The following ZCCHC2 variants were observed in gnomAD, a reference collection of about 807,000 sequenced individuals.
ZCCHC2 encodes the protein zinc finger CCHC-type containing 2, also known as zinc finger CCHC domain-containing protein 2.
Under a neutral mutation model 103.6 loss-of-function variants are expected in ZCCHC2, and 39 were observed. The observed-to-expected ratio is 0.38, with a 90% CI of 0.29 to 0.49. The LOEUF is 0.49. Ranked by LOEUF, ZCCHC2 falls within the 20% of genes least tolerant of loss-of-function variation. ZCCHC2 has a pLI of 0.96. For missense variants in ZCCHC2, 1,483 were observed against 1,491.0 expected, an observed-to-expected ratio of 0.99 and a Z score of 0.09; for synonymous variants, 687 against 608.9, an observed-to-expected ratio of 1.13 and a Z score of -1.89.
chr18:62,527,949 T>A (rs1914507929), intron 1 of ZCCHC2, among the ~76,000 whole-genome samples: 1 of 152,236 alleles, frequency 6.6e-6, no homozygotes, highest in South Asian at 2.1e-4. Context: ...AAGACATTCG[T>A]TAACTGTTCG....
At chr18:62,579,098 C>T (rs1312695758), downstream of ZCCHC2, among the ~76,000 whole-genome samples, 2 of 152,100 alleles carry the variant, frequency 1.3e-5, no homozygotes. Context: ...AGGTAATCTG[C>T]GTGACCACTA....
intron 3 of ZCCHC2, 100 bp from the exon 4 acceptor site, chr18:62,544,702 T>G: frequency 1.1e-6 from 1 of 934,472 alleles, no homozygotes; most frequent in Non-Finnish European, 1.6e-6. Flanking sequence ...TTAATCTTAG[T>G]AAAATTTAAG....
At chr18:62,554,011 G>A (rs1915776007) in intron 5 of ZCCHC2, among the ~76,000 whole-genome samples, 3 of 152,282 alleles carry the variant, frequency 2.0e-5, no homozygotes, top group Admixed American at 2.0e-4. Flanking sequence ...AGATATGTTT[G>A]AAAATGTATC....
At chr18:62,564,346 A>G (rs542796586) in intron 9 of ZCCHC2, among the ~76,000 whole-genome samples, 1 of 152,332 alleles carries the variant, frequency 6.6e-6, no homozygotes, top group African/African-American at 2.4e-5. Flanking sequence ...TCCATTTTCA[A>G]AGAAAAATAG....
At chr18:62,581,991 AC>A (rs896777435), downstream of ZCCHC2, 1 of 155,446 alleles carries the variant, frequency 6.4e-6, no homozygotes, top group African/African-American at 2.4e-5. Flanking sequence ...CTGGGCAGGA[AC>A]AAAAACAGCA....
In ZCCHC2 at chr18:62,524,127, G is replaced by C. The variant is rs1304051916; in HGVS notation, c.703G>C (p.Gly235Arg). Residue 235 changes from glycine (G) to arginine (R), a missense_variant, in exon 1 of 14, where the codon GGC becomes CGC. Transcript: ENST00000269499. Reference sequence around the variant, plus strand: ...CGGCGAGCAGGACGCCGAGAAGGACGGCTCAGGCCCGGAAGGCGGCATTGT... The same window carrying C: ...CGGCGAGCAGGACGCCGAGAAGGACCGCTCAGGCCCGGAAGGCGGCATTGT... ...GDGEQDAEKD[G>R]SGPEGGIVEP... 1 of 1,533,438 alleles carries C rather than the reference G, an allele frequency of 6.5e-7. No homozygotes were observed. The highest frequency in any genetic ancestry group is 1.4e-5 in the African/African-American group (1 of 70,826). 95.0% of individuals were successfully genotyped at this position (1,533,438 alleles called of 1,614,324 possible).
downstream of ZCCHC2, among the ~76,000 whole-genome samples, chr18:62,582,657 T>TA (rs1917066719): frequency 6.6e-6 from 1 of 151,960 alleles, no homozygotes; most frequent in Admixed American, 6.6e-5. Context: ...ACAGCCTGGG[T>TA]GACAGTGAGA....
chr18:62,533,063 G>A (rs1050469126), intron 1 of ZCCHC2, among the ~76,000 whole-genome samples: 22 of 152,090 alleles, frequency 1.4e-4, no homozygotes, highest in Admixed American at 1.4e-3. Flanking sequence ...GGGTAACAGA[G>A]TGAGACCCTG....
chr18:62,525,715 G>C (rs964089615), intron 1 of ZCCHC2, among the ~76,000 whole-genome samples: 1 of 151,972 alleles, frequency 6.6e-6, no homozygotes, highest in Admixed American at 6.6e-5. Flanking sequence ...ATCAAACTCA[G>C]ATGTAACGCT....
At chr18:62,566,014 G>T in intron 11 of ZCCHC2, among the ~76,000 whole-genome samples, 1 of 152,180 alleles carries the variant, frequency 6.6e-6, no homozygotes, top group Admixed American at 6.5e-5. Context: ...AGAGGCCAAG[G>T]TGAGTGGATC....
At chr18:62,535,536 T>C (rs1914882663) in intron 1 of ZCCHC2, among the ~76,000 whole-genome samples, 1 of 152,234 alleles carries the variant, frequency 6.6e-6, no homozygotes, top group Non-Finnish European at 1.5e-5. Context: ...CTAGGGTGTC[T>C]GGGACACAGC....
rs547524317 is a variant in ZCCHC2 at position 62,574,320 on chromosome 18, A to G, written c.2239A>G (p.Thr747Ala). 6.2e-7 allele frequency: 1 copy of G among 1,614,032 alleles called. No individual in the cohort carries two copies. Among genetic ancestry groups the G allele is most frequent in the Admixed American group, 1.7e-5 (1 of 60,028 alleles). ...VPAPKPADGK[T>A]IGMLVPSPVA... ...TGCACCCAAACCCGCTGATGGCAAA[A>G]CCATAGGGATGCTTGTTCCTAGTCC... Residue 747 changes from threonine (T) to alanine (A), a missense_variant, in exon 13 of 14, where the codon ACC (threonine) becomes GCC (alanine). Transcript: ENST00000269499.
rs772283495 is a variant in ZCCHC2, at chr18:62,563,121, C to T, written c.1663C>T (p.His555Tyr). 3 of 1,613,638 alleles carry T rather than the reference C, an allele frequency of 1.9e-6. No individual in the cohort carries two copies. Among genetic ancestry groups the T allele is most frequent in the Non-Finnish European group, 1.7e-6 (2 of 1,179,634 alleles). ...CTGTACCACCATTCAACACCCAGAG[C>T]ACTGTGTGACCTCGGCTGACCAGGT... Reference protein sequence around the residue: ...QSCTTIQHPEHCVTSADQHSA... With the variant: ...QSCTTIQHPEYCVTSADQHSA... Residue 555 changes from histidine (H) to tyrosine (Y), a missense_variant, in exon 9 of 14, where the codon CAC becomes TAC. Transcript: ENST00000269499.
Position 62,539,676 on chromosome 18 carries a change from T to C in ZCCHC2, c.940-5T>C. On this transcript the variant is annotated splice_polypyrimidine_tract_variant and splice_region_variant and intron_variant, in intron 1 of 13. Transcript: ENST00000269499. The stretch of plus-strand genomic sequence containing the variant: ...AGTTAACGTATCTCCCTCTTTCTCA[T>C]CTAGAACAACTCTGCTCATGGTGAT... 1 of 1,578,044 alleles carries C rather than the reference T, an allele frequency of 6.3e-7. No individual in the cohort carries two copies. Among genetic ancestry groups the C allele is most frequent in the Non-Finnish European group, 8.6e-7 (1 of 1,160,828 alleles).
At position 62,576,732 on chromosome 18, in the gene ZCCHC2, A is replaced by G; in HGVS notation, c.*153A>G. ...TCATTTCTCTTGTACCAATGTCCAA[A>G]ACAAGAAAGAATGCAATGCTTTTGA... is the stretch of plus-strand genomic sequence containing the variant. On this transcript the variant is annotated 3_prime_UTR_variant, in exon 14 of 14. Coordinates refer to ENST00000269499, the MANE Select transcript of ZCCHC2 (RefSeq NM_017742.6). 1.5e-6 allele frequency: 1 copy of G among 673,434 alleles called. No individual in the cohort carries two copies. The highest frequency in any genetic ancestry group is 2.5e-6 in the Non-Finnish European group (1 of 403,766). 41.7% of individuals were successfully genotyped at this position (673,434 alleles called of 1,614,324 possible). A position where few individuals can be genotyped will look rare whatever the true frequency, so the allele number is the denominator to read the frequency against.
chr18:62,537,642 G>C (rs1028038659), intron 1 of ZCCHC2, among the ~76,000 whole-genome samples: 1 of 152,188 alleles, frequency 6.6e-6, no homozygotes, highest in Non-Finnish European at 1.5e-5. Context: ...TGAATCATAG[G>C]TAATTGGATG....
chr18:62,545,271 G>A (rs1029215128), intron 4 of ZCCHC2, among the ~76,000 whole-genome samples: 10 of 152,168 alleles, frequency 6.6e-5, no homozygotes, highest in African/African-American at 2.2e-4. Flanking sequence ...AGAGATGTGC[G>A]TCATTGGTGG....
At position 62,576,760 on chromosome 18, in the gene ZCCHC2, C is replaced by T; in HGVS notation, c.*181C>T. 3.5e-6 allele frequency: 2 copies of T among 571,602 alleles called. No homozygotes were observed. The highest frequency in any genetic ancestry group is 2.2e-5 in the South Asian group (1 of 46,248). The allele number at this position is 571,602 out of a possible 1,614,324, so 35.4% of individuals were successfully genotyped here. The stretch of plus-strand genomic sequence containing the variant: ...AAGAAAGAATGCAATGCTTTTGAGC[C>T]TCTGGTCTCCTGGTTCAACAACAGG... On this transcript the variant is annotated 3_prime_UTR_variant, in exon 14 of 14. Transcript: ENST00000269499.
At chr18:62,579,027 C>G (rs1324808922), downstream of ZCCHC2, among the ~76,000 whole-genome samples, 4 of 152,208 alleles carry the variant, frequency 2.6e-5, no homozygotes. Flanking sequence ...CTCTGCCTCC[C>G]AAAGTGGTGG....
Sources: gnomAD v4.1 joint callset for allele counts (sites outside exome capture counted in the v4.1 genomes callset) on GRCh38, gnomAD v4.1.1 for gene constraint, MANE v1.5 for transcripts, NCBI Gene and HGNC (gene_info 2026-07-23, HGNC 2026-07-21) for gene names.